The following CDC27 variants were observed in gnomAD, a reference collection of about 807,000 sequenced individuals.
The protein encoded by CDC27 is cell division cycle protein 27 homolog.
A neutral mutation model predicts 109.7 loss-of-function variants in CDC27; 27 were observed. The observed-to-expected ratio is 0.25, with a 90% CI of 0.18 to 0.34. The LOEUF (loss-of-function observed/expected upper bound fraction) is 0.34, where lower values mean the gene tolerates loss of function less well. CDC27 is among the 10% of genes least tolerant of loss of function. The pLI is 1.00. For missense variants in CDC27, 579 were observed against 960.2 expected (o/e 0.60, Z 5.25); for synonymous variants, 266 against 333.9 (o/e 0.80, Z 2.22).
chr17:47,127,412 T>G (rs890075883), intron 16 of CDC27, among the ~76,000 whole-genome samples: 10 of 152,216 alleles, frequency 6.6e-5, no homozygotes, highest in African/African-American at 2.4e-4. Context: ...ATTTTTACGT[T>G]TTTTTTTGAG....
chr17:47,141,645 T>C (rs1254381583), intron 12 of CDC27, among the ~76,000 whole-genome samples: 1 of 152,180 alleles, frequency 6.6e-6, no homozygotes, highest in South Asian at 2.1e-4. Context: ...TCTATAAACC[T>C]ATTCCGAGAA....
chr17:47,121,650 C>T (rs957042811), intron 18 of CDC27, among the ~76,000 whole-genome samples: 22 of 151,978 alleles, frequency 1.4e-4, no homozygotes, highest in Admixed American at 1.2e-3. Flanking sequence ...ACTGGCTAGT[C>T]GTGAAATCCT....
At chr17:47,176,594 C>T (rs192265983) in intron 2 of CDC27, among the ~76,000 whole-genome samples, 2 of 152,200 alleles carry the variant, frequency 1.3e-5, no homozygotes, top group East Asian at 3.9e-4. Flanking sequence ...CCAAATTGTG[C>T]AGGGCTTTGT....
intron 16 of CDC27, among the ~76,000 whole-genome samples, chr17:47,126,151 C>T (rs1220156339): frequency 6.6e-6 from 1 of 152,070 alleles, no homozygotes; most frequent in African/African-American, 2.4e-5. Context: ...GTTGAAATGG[C>T]CCCCTTGATT....
chr17:47,137,719 G>A (rs2062660741), intron 13 of CDC27, among the ~76,000 whole-genome samples: 1 of 152,112 alleles, frequency 6.6e-6, no homozygotes, highest in African/African-American at 2.4e-5. Context: ...TGGCTCTGGG[G>A]ACAGTTGGAC....
At position 47,157,277 on chromosome 17, in the gene CDC27, G is replaced by A. The variant is rs772789212; in HGVS notation, c.583C>T (p.His195Tyr). 63 of 1,612,904 alleles carry A rather than the reference G, an allele frequency of 3.9e-5. No homozygotes were observed. The highest frequency in any genetic ancestry group is 5.2e-5 in the Non-Finnish European group (61 of 1,179,582). ...TTQVPNHSLS[H>Y]RQPETVLTET... ...GTAAGAACTGTCTCAGGCTGTCTGT[G>A]AGATAAACTATGATTAGGTACTTGT... The change falls in exon 6 of 19, where the codon CAC becomes TAC. Residue 195 changes from histidine (H) to tyrosine (Y), a missense_variant. Coordinates refer to ENST00000066544, the MANE Select transcript of CDC27 (RefSeq NM_001256.6).
At position 47,157,293 on chromosome 17, in the gene CDC27, A is replaced by G; in HGVS notation, c.567T>C (p.Pro189=). The G allele has an allele frequency of 6.2e-7, 1 of 1,612,888 alleles. No homozygotes were observed. Among genetic ancestry groups the G allele is most frequent in the Non-Finnish European group, 8.5e-7 (1 of 1,179,184 alleles). Residue 189 remains proline, a synonymous_variant, in exon 6 of 19, where the codon CCT becomes CCC. Transcript: ENST00000066544. ...GCTGTCTGTGAGATAAACTATGATTAGGTACTTGTGTTGTGCAAGAGTTGG... is the reference window on the plus strand; with the variant it reads ...GCTGTCTGTGAGATAAACTATGATTGGGTACTTGTGTTGTGCAAGAGTTGG... ...CLPNSCTTQV[P]NHSLSHRQPE...
intron 16 of CDC27, among the ~76,000 whole-genome samples, chr17:47,124,567 A>G (rs1165837583): frequency 2.6e-5 from 4 of 152,182 alleles, no homozygotes; most frequent in African/African-American, 9.7e-5. Context: ...TACAGGCGTG[A>G]GCCACCATGC....
intron 16 of CDC27, among the ~76,000 whole-genome samples, chr17:47,124,706 A>G (rs193151027): frequency 2.6e-5 from 4 of 152,360 alleles, no homozygotes; most frequent in Admixed American, 2.0e-4. Context: ...AGATTCTCAC[A>G]TCTATCTGCT....
In CDC27 at chr17:47,189,279, G is replaced by C; in HGVS notation, c.-107C>G. 2.3e-6 allele frequency: 2 copies of C among 863,696 alleles called. No individual in the cohort carries two copies. Among genetic ancestry groups the C allele is most frequent in the Non-Finnish European group, 3.9e-6 (2 of 515,810 alleles). The allele number at this position is 863,696 out of a possible 1,614,324, so 53.5% of individuals were successfully genotyped here. ...AACTCACCAGCGACCGTTACCGGGG[G>C]ATGGGGGAGGCCGAGCGATTGCCGA... On this transcript the variant is annotated 5_prime_UTR_variant, in exon 1 of 19. In the 5' UTR this introduces an upstream ATG that the reference lacks. Transcript: ENST00000066544.
chr17:47,174,451 T>C (rs1282416989), intron 2 of CDC27, among the ~76,000 whole-genome samples: 1 of 152,220 alleles, frequency 6.6e-6, no homozygotes, highest in Non-Finnish European at 1.5e-5. Flanking sequence ...GATGTTTGCA[T>C]GTCACTTATT....
intron 4 of CDC27, among the ~76,000 whole-genome samples, chr17:47,158,524 C>T (rs143085986): frequency 6.6e-6 from 1 of 152,230 alleles, no homozygotes; most frequent in African/African-American, 2.4e-5. Context: ...CTATCGTTGC[C>T]TTCTTGAATA....
intron 4 of CDC27, among the ~76,000 whole-genome samples, chr17:47,165,878 C>T (rs1267161774): frequency 2.0e-5 from 3 of 152,232 alleles, no homozygotes; most frequent in East Asian, 3.9e-4. Context: ...TATCCAATTG[C>T]ACTGGCACCA....
chr17:47,142,059 A>T, intron 11 of CDC27, 34 bp from the exon 12 acceptor site: 1 of 1,458,814 alleles, frequency 6.9e-7, no homozygotes, highest in Non-Finnish European at 9.3e-7. Flanking sequence ...CAAAGGAAAA[A>T]ACGCAATAAA....
intron 4 of CDC27, chr17:47,159,904 A>G: frequency 2.5e-6 from 1 of 404,694 alleles, no homozygotes; most frequent in South Asian, 1.9e-5. Context: ...TCTACTCCTT[A>G]TCCTTGGCCT....
At position 47,128,196 on chromosome 17, in the gene CDC27, AATTTTTGT is replaced by A. The variant is rs560233079; in HGVS notation, c.2160+1189_2160+1196del. Among the ~76,000 whole-genome samples the A allele has an allele frequency of 7.9e-4, 119 of 151,524 alleles. 1 individual carries two copies. The highest frequency in any genetic ancestry group is 7.8e-3 in the Admixed American group (119 of 15,214). On this transcript the variant is annotated intron_variant, in intron 16 of 18. Coordinates refer to ENST00000066544, the MANE Select transcript of CDC27 (RefSeq NM_001256.6). ...CAGGTGCACACCACCATGCCTGGCT[AATTTTTGT>A]ATTTTTGGTAGAGATGGGGTTTCAC...
chr17:47,148,082 C>T (rs181613738), intron 9 of CDC27, among the ~76,000 whole-genome samples: 34 of 151,632 alleles, frequency 2.2e-4, no homozygotes, highest in African/African-American at 7.7e-4. Context: ...CCTGTAATCC[C>T]AGCTACTCAG....
chr17:47,152,367 G>A (rs894685371), intron 8 of CDC27, among the ~76,000 whole-genome samples: 3 of 152,032 alleles, frequency 2.0e-5, no homozygotes, highest in Non-Finnish European at 2.9e-5. Context: ...CTTGGTAACA[G>A]TTCTAAAGGA....
At chr17:47,150,724 A>C (rs2148896008) in intron 9 of CDC27, among the ~76,000 whole-genome samples, 1 of 152,342 alleles carries the variant, frequency 6.6e-6, no homozygotes, top group Admixed American at 6.5e-5. Context: ...CAATACAAAG[A>C]ACACAAAATT....
Sources: gnomAD v4.1 joint callset for allele counts (sites outside exome capture counted in the v4.1 genomes callset) on GRCh38, gnomAD v4.1.1 for gene constraint, MANE v1.5 for transcripts, NCBI Gene and HGNC (gene_info 2026-07-23, HGNC 2026-07-21) for gene names.